SUV39H2: variants seen among roughly 807,000 people sequenced by gnomAD.
The protein encoded by SUV39H2 is SUV39H2 histone lysine methyltransferase, also known as histone-lysine N-methyltransferase SUV39H2.
SUV39H2 carries 10 observed loss-of-function variants against 47.5 expected under a neutral mutation model. That is an observed-to-expected ratio of 0.21 (90% CI 0.13 to 0.36). The LOEUF is 0.36. Among genes scored for constraint, SUV39H2 ranks in the 10% least tolerant of loss-of-function variants. The probability of loss-of-function intolerance (pLI) is 1.00; values close to 1 mark genes in which losing one functional copy is unlikely to be tolerated. For synonymous variants in SUV39H2, 159 were observed against 166.8 expected (o/e 0.95, Z 0.36); for missense variants, 266 against 487.4 (o/e 0.55, Z 4.28).
In SUV39H2 at chr10:14,888,750, A is replaced by C. The variant is rs1833293801; in HGVS notation, c.177+7105A>C. Among the ~76,000 whole-genome samples, 5 of 152,142 alleles carry C rather than the reference A, an allele frequency of 3.3e-5. No homozygotes were observed. The South Asian group carries it at 1.0e-3, about 31-fold the overall frequency. On this transcript the variant is annotated intron_variant, in intron 2 of 5. Coordinates refer to ENST00000354919, the MANE Select transcript of SUV39H2 (RefSeq NM_001193424.2). ...GAACTGGAAAGAATCCACTGTATTT[A>C]GTAATGGAGGGTCACTGATGCCCTT...
intron 2 of SUV39H2, among the ~76,000 whole-genome samples, chr10:14,895,186 T>A (rs1418528444): frequency 5.3e-5 from 8 of 151,644 alleles, no homozygotes; most frequent in East Asian, 1.9e-4. Context: ...TTTTATTTTT[T>A]TTTTTTTTGA....
At chr10:14,901,329 C>G (rs1160565838) in intron 5 of SUV39H2, 67 bp downstream of exon 5, 1 of 1,593,066 alleles carries the variant, frequency 6.3e-7, no homozygotes, top group South Asian at 1.1e-5. Context: ...AGACTAGGAA[C>G]AGACCTTAGA....
chr10:14,882,864 G>A (rs1588833195), intron 2 of SUV39H2, among the ~76,000 whole-genome samples: 1 of 137,082 alleles, frequency 7.3e-6, no homozygotes, highest in African/African-American at 2.7e-5. Flanking sequence ...CCCTATAGGA[G>A]TTTTTTTTTT....
At chr10:14,901,748 T>C (rs1141548) in intron 5 of SUV39H2, among the ~76,000 whole-genome samples, 1 of 151,950 alleles carries the variant, frequency 6.6e-6, no homozygotes, top group East Asian at 1.9e-4. Context: ...GGAGGATGGC[T>C]TGAGACAGGG....
Position 14,893,076 on chromosome 10 carries a change from C to T in SUV39H2, c.178-3770C>T, listed in dbSNP as rs1227869433. On this transcript the variant is annotated intron_variant, in intron 2 of 5. Coordinates refer to ENST00000354919, the MANE Select transcript of SUV39H2 (RefSeq NM_001193424.2). ...GGAGTGCAGTGGCGCAATCTAGGCT[C>T]ACTGCAGGCTCCGCCCCCTGGGGTT... Among the ~76,000 whole-genome samples, 3 of 147,292 alleles carry T rather than the reference C, an allele frequency of 2.0e-5. No individual in the cohort carries two copies. The East Asian group carries it at 6.0e-4, about 29-fold the overall frequency.
chr10:14,903,932 G>A lies in SUV39H2; in HGVS notation c.*1420G>A, dbSNP rs1023228529. ...TAGACTTTATTCATTATATTGCTAT[G>A]ACAACTTCACTCTTTCATAATATAT... On this transcript the variant is annotated 3_prime_UTR_variant, in exon 6 of 6. Coordinates refer to ENST00000354919, the MANE Select transcript of SUV39H2 (RefSeq NM_001193424.2). 2.0e-5 allele frequency: 3 copies of A among 152,104 alleles called. No homozygotes were observed. Among genetic ancestry groups the A allele is most frequent in the Non-Finnish European group, 4.4e-5 (3 of 68,012 alleles). The allele number at this position is 152,104 out of a possible 1,614,324, so 9.4% of individuals were successfully genotyped here. A position where few individuals can be genotyped will look rare whatever the true frequency, so the allele number is the denominator to read the frequency against.
intron 4 of SUV39H2, among the ~76,000 whole-genome samples, chr10:14,899,966 C>T (rs10430783): frequency 0.4 from 60,281 of 151,940 alleles, 13,524 homozygotes; most frequent in African/African-American, 0.61. Flanking sequence ...GTAGGTATTA[C>T]TTTCATATTA....
intron 2 of SUV39H2, among the ~76,000 whole-genome samples, chr10:14,891,531 A>G (rs554153486): frequency 3.9e-5 from 6 of 152,202 alleles, no homozygotes; most frequent in Non-Finnish European, 8.8e-5. Context: ...GAGTAGGGAA[A>G]CTAGTTGGAA....
rs573618962 is a variant in SUV39H2 at position 14,895,570 on chromosome 10, G to T, written c.178-1276G>T. Among the ~76,000 whole-genome samples the T allele has an allele frequency of 2.6e-5, 4 of 152,328 alleles. No homozygotes were observed. The South Asian group carries it at 6.2e-4, about 24-fold the overall frequency. ...TGGAGTGAAAAGACAAGATACCATG[G>T]TGCCTTGTTGCCAAGGCATCGTGGC... On this transcript the variant is annotated intron_variant, in intron 2 of 5. Transcript: ENST00000354919.
At chr10:14,889,286 G>T (rs1181712313) in intron 2 of SUV39H2, among the ~76,000 whole-genome samples, 2 of 151,946 alleles carry the variant, frequency 1.3e-5, no homozygotes, top group Admixed American at 1.3e-4. Flanking sequence ...TTTTGAGGAG[G>T]TATTATGCAT....
chr10:14,883,855 A>G (rs991398488), intron 2 of SUV39H2, among the ~76,000 whole-genome samples: 1 of 151,624 alleles, frequency 6.6e-6, no homozygotes, highest in African/African-American at 2.4e-5. Context: ...TTACCCTTCT[A>G]CCTCCAGCCG....
chr10:14,879,013 C>T (rs1832956502), intron 1 of SUV39H2, 94 bp downstream of exon 1: 15 of 1,320,104 alleles, frequency 1.1e-5, no homozygotes, highest in Non-Finnish European at 1.5e-5. Context: ...AGCCAGATGG[C>T]GACGTGGCGG....
chr10:14,879,227 T>C (rs1434310554), intron 1 of SUV39H2: 5 of 712,818 alleles, frequency 7.0e-6, no homozygotes, highest in Non-Finnish European at 9.2e-6. Flanking sequence ...GCCTCGGGCT[T>C]CGAGGCCGCT....
At position 14,902,332 on chromosome 10, in the gene SUV39H2, T is replaced by G. The variant is rs1005622588; in HGVS notation, c.1127-74T>G. The G allele has an allele frequency of 3.9e-6, 4 of 1,017,716 alleles. No individual in the cohort carries two copies. In the African/African-American group the frequency reaches 4.9e-5, roughly 12 times the overall value. The allele number at this position is 1,017,716 out of a possible 1,614,324, so 63.0% of individuals were successfully genotyped here. On this transcript the variant is annotated intron_variant, in intron 5 of 5. Transcript: ENST00000354919. ...TCTATCACTGATAATAAAGCTAATATAATAGAAAATTTGAAATTTATTCTA... is the reference window on the plus strand; with the variant it reads ...TCTATCACTGATAATAAAGCTAATAGAATAGAAAATTTGAAATTTATTCTA...
chr10:14,881,685 G>A (rs1479055786), intron 2 of SUV39H2, 40 bp downstream of exon 2: 1 of 1,368,828 alleles, frequency 7.3e-7, no homozygotes, highest in Non-Finnish European at 9.5e-7. Flanking sequence ...GACCTAATCA[G>A]ACTTCAGTAT....
In SUV39H2 at chr10:14,892,310, C is replaced by T. The variant is rs1351330520; in HGVS notation, c.178-4536C>T. Among the ~76,000 whole-genome samples, 3 of 152,164 alleles carry T rather than the reference C, an allele frequency of 2.0e-5. No homozygotes were observed. The East Asian group carries it at 5.8e-4, about 29-fold the overall frequency. On this transcript the variant is annotated intron_variant, in intron 2 of 5. Transcript: ENST00000354919. ...CTAGAGGCACCATGGTTTCTGAGAA[C>T]TTTAAGAACCACCGGCCTACAATAA... is the stretch of plus-strand genomic sequence containing the variant.
At position 14,901,812 on chromosome 10, in the gene SUV39H2, G is replaced by A. The variant is rs34345306; in HGVS notation, c.1126+550G>A. Among the ~76,000 whole-genome samples the A allele has an allele frequency of 6.0e-3, 900 of 151,238 alleles. 1 individual carries two copies. The highest frequency in any genetic ancestry group is 0.01 in the Non-Finnish European group (685 of 67,840). On this transcript the variant is annotated intron_variant, in intron 5 of 5. Transcript: ENST00000354919. Reference sequence around the variant, plus strand: ...AGCACCACTGCACTCCAGCCTGGACGACAGAGACCCTGTCTGAAAAAAAAA... The same window carrying A: ...AGCACCACTGCACTCCAGCCTGGACAACAGAGACCCTGTCTGAAAAAAAAA...
Position 14,881,567 on chromosome 10 carries a change from A to G in SUV39H2, c.99A>G (p.Thr33=), listed in dbSNP as rs1290725705. Reference sequence around the variant, plus strand: ...AATTATGTAGAAAAGAAAAGCTCACATGTAAATCGATTGGAATCACCAAAA... The same window carrying G: ...AATTATGTAGAAAAGAAAAGCTCACGTGTAAATCGATTGGAATCACCAAAA... ...LQELCRKEKL[T]CKSIGITKRN... Residue 33 remains threonine, a synonymous_variant, in exon 2 of 6, where the codon ACA becomes ACG. Coordinates refer to ENST00000354919, the MANE Select transcript of SUV39H2 (RefSeq NM_001193424.2). 4 of 1,606,376 alleles carry G rather than the reference A, an allele frequency of 2.5e-6. No individual in the cohort carries two copies. The highest frequency in any genetic ancestry group is 3.4e-6 in the Non-Finnish European group (4 of 1,177,788).
chr10:14,889,500 G>C (rs1833319505), intron 2 of SUV39H2, among the ~76,000 whole-genome samples: 2 of 152,172 alleles, frequency 1.3e-5, no homozygotes, highest in South Asian at 4.1e-4. Flanking sequence ...AGCAGAGGGA[G>C]ATACTGAAGA....
Sources: gnomAD v4.1 joint callset for allele counts (sites outside exome capture counted in the v4.1 genomes callset) on GRCh38, gnomAD v4.1.1 for gene constraint, MANE v1.5 for transcripts, NCBI Gene and HGNC (gene_info 2026-07-23, HGNC 2026-07-21) for gene names.